Variants in SPMIP3 observed in about 807,000 individuals in gnomAD.
SPMIP3 encodes the protein protein SPMIP3.
the SPMIP3 span, among the ~76,000 whole-genome samples, chr1:244,365,032 C>T: frequency 0.35 from 53,864 of 152,132 alleles, 10,874 homozygotes; most frequent in Non-Finnish European, 0.47. Flanking sequence ...ATATGTGTCT[C>T]GGGTAGCAGT....
At chr1:244,368,737 T>C in the SPMIP3 span, among the ~76,000 whole-genome samples, 14 of 152,272 alleles carry the variant, frequency 9.2e-5, no homozygotes, top group East Asian at 5.8e-4. Flanking sequence ...TGCACAAGCA[T>C]GTATCCAATT....
the SPMIP3 span, among the ~76,000 whole-genome samples, chr1:244,377,813 C>T: frequency 6.6e-6 from 1 of 152,040 alleles, no homozygotes; most frequent in Non-Finnish European, 1.5e-5. Context: ...TGTATTGATT[C>T]CTATTTTATT....
the SPMIP3 span, chr1:244,389,028 G>A: frequency 1.2e-6 from 2 of 1,613,766 alleles, no homozygotes; most frequent in South Asian, 1.1e-5. Flanking sequence ...CTGTTGTGAA[G>A]AGAGAAGCAG....
At chr1:244,376,387 T>C in the SPMIP3 span, 6 of 152,240 alleles carry the variant, frequency 3.9e-5, no homozygotes, top group African/African-American at 1.4e-4. Context: ...AGAAGGCTAC[T>C]CACTCGTTTA....
the SPMIP3 span, among the ~76,000 whole-genome samples, chr1:244,360,562 ATGCAT>A: frequency 5.7e-5 from 1 of 17,678 alleles, no homozygotes. Context: ...ACACACATGC[ATGCAT>A]GGAATATTAT....
chr1:244,375,400 G>T, the SPMIP3 span: 2 of 1,613,682 alleles, frequency 1.2e-6, no homozygotes, highest in Non-Finnish European at 1.7e-6. Flanking sequence ...AGGAAGAGAC[G>T]TTCAAGGCTA....
the SPMIP3 span, among the ~76,000 whole-genome samples, chr1:244,380,915 G>T: frequency 6.6e-6 from 1 of 151,968 alleles, no homozygotes; most frequent in Non-Finnish European, 1.5e-5. Context: ...GCAGGGGTTT[G>T]GGATGAGAGG....
the SPMIP3 span, among the ~76,000 whole-genome samples, chr1:244,366,171 T>G: frequency 8.9e-4 from 136 of 152,238 alleles, no homozygotes; most frequent in East Asian, 4.2e-3. Flanking sequence ...GTTTAGTTTA[T>G]TTTATTTTTA....
chr1:244,383,947 G>A, the SPMIP3 span, among the ~76,000 whole-genome samples: 1 of 152,140 alleles, frequency 6.6e-6, no homozygotes, highest in Admixed American at 6.6e-5. Flanking sequence ...TTTTGTGAGG[G>A]ATAAAAGACT....
chr1:244,368,085 C>G, the SPMIP3 span, among the ~76,000 whole-genome samples: 1 of 151,996 alleles, frequency 6.6e-6, no homozygotes, highest in Non-Finnish European at 1.5e-5. Flanking sequence ...CTCAGCCTCT[C>G]GAGTGCTGGG....
the SPMIP3 span, chr1:244,352,732 C>G: frequency 2.5e-4 from 38 of 152,362 alleles, no homozygotes; most frequent in African/African-American, 8.2e-4. Flanking sequence ...GCAGCCCAAG[C>G]AGGTAATAGC....
chr1:244,379,916 C>T, the SPMIP3 span, among the ~76,000 whole-genome samples: 95 of 150,926 alleles, frequency 6.3e-4, no homozygotes, highest in African/African-American at 1.9e-3. Context: ...TGCGGTGAGC[C>T]GAGATCGTGC....
At chr1:244,385,600 A>G in the SPMIP3 span, among the ~76,000 whole-genome samples, 3 of 152,188 alleles carry the variant, frequency 2.0e-5, no homozygotes, top group Admixed American at 2.0e-4. Flanking sequence ...TCTGACCCTC[A>G]ATATTCTCAC....
chr1:244,377,147 G>A, the SPMIP3 span, among the ~76,000 whole-genome samples: 2 of 146,600 alleles, frequency 1.4e-5, no homozygotes, highest in East Asian at 2.0e-4. Context: ...TTTTTGAGAC[G>A]GAGTCTCGCT....
At chr1:244,359,917 T>C in the SPMIP3 span, among the ~76,000 whole-genome samples, 1 of 151,544 alleles carries the variant, frequency 6.6e-6, no homozygotes, top group South Asian at 2.1e-4. Flanking sequence ...GAGACCATCC[T>C]GGCCAACATG....
the SPMIP3 span, among the ~76,000 whole-genome samples, chr1:244,362,393 A>C: frequency 6.6e-6 from 1 of 152,194 alleles, no homozygotes; most frequent in African/African-American, 2.4e-5. Flanking sequence ...AACCTCATAC[A>C]AGTTACTTAA....
chr1:244,359,268 A>G, the SPMIP3 span, among the ~76,000 whole-genome samples: 1 of 152,148 alleles, frequency 6.6e-6, no homozygotes, highest in East Asian at 1.9e-4. Context: ...CTCAAACACC[A>G]TTGCTAATGC....
the SPMIP3 span, among the ~76,000 whole-genome samples, chr1:244,353,770 C>A: frequency 6.6e-6 from 1 of 152,238 alleles, no homozygotes. Flanking sequence ...GAGAAGGGAA[C>A]CAACCTTCCT....
chr1:244,357,707 C>CAAAAAAAA, the SPMIP3 span, among the ~76,000 whole-genome samples: 4 of 95,090 alleles, frequency 4.2e-5, no homozygotes, highest in Non-Finnish European at 6.0e-5. Flanking sequence ...GACTCCATCT[C>CAAAAAAAA]AAAAAAAAAA....
Sources: gnomAD v4.1 joint callset for allele counts (sites outside exome capture counted in the v4.1 genomes callset) on GRCh38, gnomAD v4.1.1 for gene constraint, MANE v1.5 for transcripts, NCBI Gene and HGNC (gene_info 2026-07-23, HGNC 2026-07-21) for gene names.